The following KIF21A variants were observed in gnomAD, a reference collection of about 807,000 sequenced individuals.
KIF21A encodes kinesin family member 21A.
In KIF21A, 114 loss-of-function variants were observed where a neutral mutation model predicts 202.9. That is an observed-to-expected ratio of 0.56 (90% CI 0.48 to 0.66). KIF21A has a LOEUF of 0.66. KIF21A is among the 30% of genes least tolerant of loss of function. The probability of loss-of-function intolerance (pLI) is 0.00; values close to 1 mark genes in which losing one functional copy is unlikely to be tolerated. For synonymous variants in KIF21A, 667 were observed against 670.8 expected, an observed-to-expected ratio of 0.99 and a Z score of 0.09; for missense variants, 1,677 against 1,994.9, an observed-to-expected ratio of 0.84 and a Z score of 3.04.
intron 1 of KIF21A, among the ~76,000 whole-genome samples, chr12:39,409,572 G>C (rs777654468): frequency 6.6e-6 from 1 of 150,758 alleles, no homozygotes; most frequent in Non-Finnish European, 1.5e-5. Flanking sequence ...AGATGGAGAG[G>C]AATATTTCAT....
intron 1 of KIF21A, among the ~76,000 whole-genome samples, chr12:39,420,031 AATG>A (rs1954115483): frequency 2.0e-5 from 3 of 151,016 alleles, no homozygotes; most frequent in Admixed American, 6.6e-5. Flanking sequence ...AACACAGAGA[AATG>A]GCAACTGCTT....
chr12:39,327,079 T>A (rs530893314), intron 24 of KIF21A, among the ~76,000 whole-genome samples: 67 of 152,230 alleles, frequency 4.4e-4, no homozygotes, highest in Middle Eastern at 3.4e-3. Context: ...GCCCCTAACA[T>A]AGGTGTAGGT....
chr12:39,326,146 A>G (rs1222764618), intron 25 of KIF21A, 118 bp downstream of exon 25: 4 of 816,114 alleles, frequency 4.9e-6, no homozygotes, highest in Non-Finnish European at 8.3e-6. Flanking sequence ...TCTAAGTGCT[A>G]TTCACTAGGC....
chr12:39,343,335 G>A (rs1037242139), intron 12 of KIF21A, among the ~76,000 whole-genome samples: 1 of 151,810 alleles, frequency 6.6e-6, no homozygotes, highest in African/African-American at 2.4e-5. Flanking sequence ...ACTCTAGCCC[G>A]GGCAACAGAG....
Position 39,394,396 on chromosome 12 carries a change from T to TA in KIF21A, c.45-24136dup, listed in dbSNP as rs1279820925. Among the ~76,000 whole-genome samples the TA allele has an allele frequency of 2.0e-5, 3 of 152,322 alleles. No homozygotes were observed. In the East Asian group the frequency reaches 5.8e-4, roughly 29 times the overall value. On this transcript the variant is annotated intron_variant, in intron 1 of 37. Transcript: ENST00000361418. ...TTTGGCAAACGTCTTTATAAATAAT[T>TA]AGACATAAATAAAACATTGGCTTGC...
At chr12:39,336,906 T>A (rs1947022785) in intron 17 of KIF21A, among the ~76,000 whole-genome samples, 190 bp downstream of exon 17, 1 of 152,170 alleles carries the variant, frequency 6.6e-6, no homozygotes, top group South Asian at 2.1e-4. Flanking sequence ...CAGTGTTTTT[T>A]ATGAACTCTT....
At chr12:39,411,355 A>G (rs1420769794) in intron 1 of KIF21A, among the ~76,000 whole-genome samples, 2 of 152,194 alleles carry the variant, frequency 1.3e-5, no homozygotes, top group African/African-American at 4.8e-5. Context: ...CCACAGACCT[A>G]ATAAATTAAA....
At chr12:39,297,909 G>A (rs1166197637) in intron 37 of KIF21A, among the ~76,000 whole-genome samples, 2 of 145,280 alleles carry the variant, frequency 1.4e-5, no homozygotes, top group African/African-American at 2.5e-5. Flanking sequence ...ATAAAGTATT[G>A]TATTTTGGTA....
At chr12:39,356,111 G>A (rs1948758473) in intron 10 of KIF21A, among the ~76,000 whole-genome samples, 1 of 152,192 alleles carries the variant, frequency 6.6e-6, no homozygotes, top group Non-Finnish European at 1.5e-5. Context: ...AGTCATCACG[G>A]GAAACCGTGG....
At chr12:39,384,695 A>T (rs748657550) in intron 1 of KIF21A, among the ~76,000 whole-genome samples, 1 of 152,134 alleles carries the variant, frequency 6.6e-6, no homozygotes, top group South Asian at 2.1e-4. Context: ...TTACTATCTC[A>T]CAGTGTCTGT....
At chr12:39,431,169 T>G (rs7974928) in intron 1 of KIF21A, among the ~76,000 whole-genome samples, 31,741 of 152,028 alleles carry the variant, frequency 0.21, 3,440 homozygotes, top group South Asian at 0.39. Context: ...GGAAGTGAAG[T>G]AATGTCCAGA....
At chr12:39,330,394 T>C (rs1164821075) in intron 23 of KIF21A, 132 bp from the exon 24 acceptor site, 5 of 803,648 alleles carry the variant, frequency 6.2e-6, no homozygotes, top group East Asian at 2.5e-5. Flanking sequence ...CAAACACTTA[T>C]AAGTTTATTT....
chr12:39,333,810 T>G (rs555543543), intron 17 of KIF21A, among the ~76,000 whole-genome samples: 1 of 152,288 alleles, frequency 6.6e-6, no homozygotes, highest in African/African-American at 2.4e-5. Context: ...GCACTGACTA[T>G]TAATTTGTTT....
chr12:39,340,811 A>AT, intron 15 of KIF21A, 95 bp downstream of exon 15: 4 of 877,268 alleles, frequency 4.6e-6, no homozygotes. Context: ...AAAGGGTTTA[A>AT]TACGGCTTCT....
At position 39,351,977 on chromosome 12, in the gene KIF21A, T is replaced by C; in HGVS notation, c.1473A>G (p.Ala491=). Residue 491 remains alanine (A), a synonymous_variant, in exon 11 of 38, where the codon GCA becomes GCG. Transcript: ENST00000361418. ...TCACTGCTTCACTTTCTAATAATTT[T>C]GCCCTAGCAAATAAAAATATATTTA... ...SYIKEIEDLR[A]KLLESEAVNE... 6.2e-7 allele frequency: 1 copy of C among 1,611,760 alleles called. No individual in the cohort carries two copies. The highest frequency in any genetic ancestry group is 8.5e-7 in the Non-Finnish European group (1 of 1,178,134).
At chr12:39,405,662 T>C (rs1464324619) in intron 1 of KIF21A, among the ~76,000 whole-genome samples, 1 of 152,152 alleles carries the variant, frequency 6.6e-6, no homozygotes, top group Admixed American at 6.5e-5. Context: ...ACACACACTT[T>C]TCCTTGCAGC....
chr12:39,336,358 G>A (rs779607182), intron 17 of KIF21A, among the ~76,000 whole-genome samples: 3 of 152,106 alleles, frequency 2.0e-5, no homozygotes, highest in Admixed American at 6.5e-5. Flanking sequence ...CAATTAGCAC[G>A]TTGAGATGTA....
At chr12:39,386,324 G>T (rs936877001) in intron 1 of KIF21A, among the ~76,000 whole-genome samples, 8 of 152,116 alleles carry the variant, frequency 5.3e-5, no homozygotes, top group Non-Finnish European at 8.8e-5. Flanking sequence ...GGTAATACCT[G>T]AGGGATGGTG....
intron 6 of KIF21A, among the ~76,000 whole-genome samples, chr12:39,363,659 C>CA (rs962215568): frequency 5.3e-5 from 8 of 151,920 alleles, no homozygotes; most frequent in Non-Finnish European, 1.0e-4. Context: ...TTAATCACAA[C>CA]AAAAAAAATC....
Sources: allele counts gnomAD v4.1 joint callset (sites outside exome capture counted in the v4.1 genomes callset), GRCh38; gene constraint gnomAD v4.1.1; transcripts MANE v1.5; gene names NCBI Gene and HGNC (gene_info 2026-07-23, HGNC 2026-07-21).